The following CDCP1 variants were observed in gnomAD, a reference collection of about 807,000 sequenced individuals.
CDCP1 encodes the protein CUB domain-containing protein 1.
In CDCP1, 29 loss-of-function variants were observed where a neutral mutation model predicts 60.2. That is an observed-to-expected ratio of 0.48 (90% CI 0.36 to 0.66). The LOEUF (loss-of-function observed/expected upper bound fraction) is 0.66, where lower values mean the gene tolerates loss of function less well. Ranked by LOEUF, CDCP1 falls within the 30% of genes least tolerant of loss-of-function variation. CDCP1 has a pLI of 0.00. For synonymous variants in CDCP1, 387 were observed against 431.1 expected, an observed-to-expected ratio of 0.90 and a Z score of 1.27; for missense variants, 876 against 1,074.3, an observed-to-expected ratio of 0.82 and a Z score of 2.58.
Position 45,106,428 on chromosome 3 carries a change from C to T in CDCP1, c.1024+4045G>A, listed in dbSNP as rs112541235. Among the ~76,000 whole-genome samples, 1,086 of 152,300 alleles carry T rather than the reference C, an allele frequency of 7.1e-3. 15 individuals are homozygous for T. The highest frequency in any genetic ancestry group is 0.025 in the African/African-American group (1,026 of 41,564). On this transcript the variant is annotated intron_variant, in intron 4 of 8. Transcript: ENST00000296129. ...CAAGCAGCTGCTCTCATGGGTGCCCCACTTCACTGTATCTGCCTTGCCCCT... is the reference window on the plus strand; with the variant it reads ...CAAGCAGCTGCTCTCATGGGTGCCCTACTTCACTGTATCTGCCTTGCCCCT...
At chr3:45,098,549 C>G (rs1348636349) in intron 4 of CDCP1, among the ~76,000 whole-genome samples, 1 of 151,956 alleles carries the variant, frequency 6.6e-6, no homozygotes, top group Non-Finnish European at 1.5e-5. Flanking sequence ...TATTGGCTTC[C>G]CACTCAGGAA....
At chr3:45,099,125 T>C (rs540984257) in intron 4 of CDCP1, among the ~76,000 whole-genome samples, 35 of 141,904 alleles carry the variant, frequency 2.5e-4, no homozygotes, top group Middle Eastern at 3.6e-3. Flanking sequence ...TTTTCTTTTC[T>C]TTTTTTTTTT....
At chr3:45,142,361 A>T (rs934523336) in intron 1 of CDCP1, among the ~76,000 whole-genome samples, 7 of 152,292 alleles carry the variant, frequency 4.6e-5, no homozygotes, top group Admixed American at 2.0e-4. Context: ...AAGCCAAGGG[A>T]CCCAGTTCTG....
At chr3:45,123,640 C>A (rs1005919466) in intron 1 of CDCP1, among the ~76,000 whole-genome samples, 2 of 152,174 alleles carry the variant, frequency 1.3e-5, no homozygotes, top group African/African-American at 4.8e-5. Context: ...TCTCTCCTGA[C>A]CCCCACCAAT....
At chr3:45,113,246 G>T (rs36085120) in intron 2 of CDCP1, among the ~76,000 whole-genome samples, 3 of 152,162 alleles carry the variant, frequency 2.0e-5, no homozygotes, top group Non-Finnish European at 4.4e-5. Flanking sequence ...ATCTGGCGGC[G>T]CCATTTCTCT....
intron 8 of CDCP1, among the ~76,000 whole-genome samples, chr3:45,087,071 A>T (rs1032755363): frequency 6.6e-6 from 1 of 152,102 alleles, no homozygotes; most frequent in African/African-American, 2.4e-5. Flanking sequence ...GTTTGTCCCC[A>T]CTAAAGCTCT....
At chr3:45,095,619 G>C in intron 4 of CDCP1, 51 bp from the exon 5 acceptor site, 1 of 1,520,770 alleles carries the variant, frequency 6.6e-7, no homozygotes, top group Non-Finnish European at 9.1e-7. Context: ...GCAGCAACAC[G>C]GGAAATGGCA....
intron 3 of CDCP1, among the ~76,000 whole-genome samples, chr3:45,111,874 C>T (rs532611009): frequency 1.3e-5 from 2 of 152,114 alleles, no homozygotes; most frequent in Non-Finnish European, 2.9e-5. Flanking sequence ...GCAAAAAGGA[C>T]AAAGAGAATC....
intron 1 of CDCP1, among the ~76,000 whole-genome samples, chr3:45,134,086 T>C (rs1699151508): frequency 1.3e-5 from 2 of 151,794 alleles, no homozygotes; most frequent in African/African-American, 4.8e-5. Context: ...ATTTGGGATG[T>C]CAGCTTCCCC....
rs75580677 is a variant in CDCP1, at chr3:45,135,466, A to C, written c.82+10740T>G. ...ACAAAACCCAAGCTAGAAAATTTGG[A>C]GTAATCAAGAATTTAATCCTCATTA... On this transcript the variant is annotated intron_variant, in intron 1 of 8. Transcript: ENST00000296129. Among the ~76,000 whole-genome samples, 7 of 152,322 alleles carry C rather than the reference A, an allele frequency of 4.6e-5. No individual in the cohort carries two copies. In the East Asian group the frequency reaches 1.4e-3, roughly 29 times the overall value.
chr3:45,106,502 T>C (rs143869774), intron 4 of CDCP1, among the ~76,000 whole-genome samples: 5 of 152,182 alleles, frequency 3.3e-5, no homozygotes, highest in African/African-American at 1.2e-4. Flanking sequence ...TGAGCCACTT[T>C]GGAAAAGATG....
At chr3:45,128,866 C>T (rs746028225) in intron 1 of CDCP1, among the ~76,000 whole-genome samples, 17 of 152,168 alleles carry the variant, frequency 1.1e-4, no homozygotes, top group South Asian at 1.0e-3. Context: ...TACAGGTGCC[C>T]GCCACCATGC....
intron 4 of CDCP1, among the ~76,000 whole-genome samples, chr3:45,095,963 T>C (rs969242140): frequency 2.0e-5 from 3 of 152,184 alleles, no homozygotes; most frequent in Non-Finnish European, 4.4e-5. Context: ...TGACTAAATA[T>C]TTAAAATATA....
chr3:45,144,519 T>A (rs1699347362), intron 1 of CDCP1, among the ~76,000 whole-genome samples: 1 of 152,182 alleles, frequency 6.6e-6, no homozygotes. Flanking sequence ...GCTCAGCCAG[T>A]CAAGGACTTC....
At chr3:45,086,989 C>T (rs894700441) in intron 8 of CDCP1, among the ~76,000 whole-genome samples, 9 of 152,232 alleles carry the variant, frequency 5.9e-5, no homozygotes, top group African/African-American at 2.2e-4. Context: ...AAACCTGGTA[C>T]CTTCAGCTTG....
chr3:45,088,174 A>G lies in CDCP1; in HGVS notation c.2081+880T>C, dbSNP rs1049192855. On this transcript the variant is annotated intron_variant, in intron 8 of 8. Transcript: ENST00000296129. ...ACGGACTCTGTCTAAAAAGGTCAAC[A>G]TTTTCCTTTTATAAAATAGAAGCTC... 2.0e-5 allele frequency among the ~76,000 whole-genome samples: 3 copies of G among 152,174 alleles called. No individual in the cohort carries two copies. In the East Asian group the frequency reaches 5.8e-4, roughly 29 times the overall value.
intron 4 of CDCP1, among the ~76,000 whole-genome samples, chr3:45,101,838 A>G (rs985165378): frequency 6.8e-6 from 1 of 147,896 alleles, no homozygotes; most frequent in African/African-American, 2.5e-5. Context: ...GTGAGCCGAG[A>G]TCGCACCATT....
chr3:45,129,364 G>T (rs752440859), intron 1 of CDCP1, among the ~76,000 whole-genome samples: 1 of 152,214 alleles, frequency 6.6e-6, no homozygotes, highest in African/African-American at 2.4e-5. Flanking sequence ...TGAAGGAATG[G>T]TTTCCAAGAG....
intron 4 of CDCP1, among the ~76,000 whole-genome samples, chr3:45,105,149 A>G (rs1486710418): frequency 6.6e-6 from 1 of 152,228 alleles, no homozygotes; most frequent in Non-Finnish European, 1.5e-5. Context: ...CTGTTGTAAA[A>G]GCCACACTGG....
Sources: allele counts gnomAD v4.1 joint callset (sites outside exome capture counted in the v4.1 genomes callset), GRCh38; gene constraint gnomAD v4.1.1; transcripts MANE v1.5; gene names NCBI Gene and HGNC (gene_info 2026-07-23, HGNC 2026-07-21).